The following PTPRT variants were observed in gnomAD, a reference collection of about 807,000 sequenced individuals.
PTPRT encodes protein tyrosine phosphatase receptor type T.
PTPRT carries 56 observed loss-of-function variants against 176.8 expected under a neutral mutation model. The ratio of observed to expected loss-of-function variants is 0.32; its 90% CI spans 0.26 to 0.40. The LOEUF is 0.40. PTPRT is among the 10% of genes least tolerant of loss of function. The pLI is 1.00. For missense variants in PTPRT, 1,540 were observed against 1,908.2 expected, an observed-to-expected ratio of 0.81 and a Z score of 3.60; for synonymous variants, 783 against 739.0, an observed-to-expected ratio of 1.06 and a Z score of -0.96.
At chr20:42,861,355 A>G (rs2078657022) in intron 2 of PTPRT, among the ~76,000 whole-genome samples, 1 of 152,200 alleles carries the variant, frequency 6.6e-6, no homozygotes, top group South Asian at 2.1e-4. Context: ...TTGCCTAGAC[A>G]TTCCCTAACT....
At chr20:42,800,204 G>T (rs1238424966) in intron 2 of PTPRT, among the ~76,000 whole-genome samples, 2 of 152,132 alleles carry the variant, frequency 1.3e-5, no homozygotes, top group Non-Finnish European at 2.9e-5. Flanking sequence ...CTTTTTCAAG[G>T]CCACACAGCT....
intron 6 of PTPRT, among the ~76,000 whole-genome samples, chr20:42,714,986 G>A (rs1192054765): frequency 8.5e-5 from 13 of 152,204 alleles, no homozygotes; most frequent in African/African-American, 2.7e-4. Flanking sequence ...CCAGTGCTGG[G>A]AACCTCTGGA....
rs536405895 is a variant in PTPRT, at chr20:42,168,248, A to G, written c.2492-6706T>C. 4.6e-5 allele frequency among the ~76,000 whole-genome samples: 7 copies of G among 152,276 alleles called. No individual in the cohort carries two copies. The South Asian group carries it at 1.2e-3, about 27-fold the overall frequency. ...AGAGTCAGAAGAAAATTCATATATT[A>G]AGTAGAGCTGTGCAGTTCAAACCCA... On this transcript the variant is annotated intron_variant, in intron 16 of 30. Coordinates refer to ENST00000373187, the MANE Select transcript of PTPRT (RefSeq NM_007050.6).
chr20:43,037,040 TACA>T (rs1235532861), intron 1 of PTPRT, among the ~76,000 whole-genome samples: 1 of 152,200 alleles, frequency 6.6e-6, no homozygotes, highest in African/African-American at 2.4e-5. Flanking sequence ...AACATAAACA[TACA>T]ACATTAGAAA....
At chr20:42,107,930 A>T (rs1259474696) in intron 23 of PTPRT, among the ~76,000 whole-genome samples, 1 of 152,224 alleles carries the variant, frequency 6.6e-6, no homozygotes, top group Non-Finnish European at 1.5e-5. Context: ...CATTCATGAG[A>T]AACTTTCATG....
intron 6 of PTPRT, among the ~76,000 whole-genome samples, chr20:42,713,143 G>A (rs978598740): frequency 4.3e-5 from 6 of 140,238 alleles, no homozygotes; most frequent in South Asian, 2.3e-4. Flanking sequence ...ACATACACAC[G>A]TACACGCACA....
At chr20:43,049,049 T>A (rs1986947474) in intron 1 of PTPRT, among the ~76,000 whole-genome samples, 1 of 152,160 alleles carries the variant, frequency 6.6e-6, no homozygotes, top group Admixed American at 6.5e-5. Flanking sequence ...AAATGAATAT[T>A]CAGCAGCTGG....
intron 6 of PTPRT, among the ~76,000 whole-genome samples, chr20:42,696,544 C>T (rs576234901): frequency 1.3e-5 from 2 of 151,686 alleles, no homozygotes; most frequent in African/African-American, 4.8e-5. Context: ...CAAGCTCTTC[C>T]CCCCGGGTTC....
chr20:42,826,996 A>G (rs960847537), intron 2 of PTPRT, among the ~76,000 whole-genome samples: 1 of 152,186 alleles, frequency 6.6e-6, no homozygotes, highest in Non-Finnish European at 1.5e-5. Context: ...TTCAATTCAA[A>G]AAGAAGACCT....
intron 8 of PTPRT, among the ~76,000 whole-genome samples, chr20:42,457,551 C>T (rs936151631): frequency 1.3e-5 from 2 of 152,134 alleles, no homozygotes; most frequent in African/African-American, 4.8e-5. Flanking sequence ...GTGTGATGGT[C>T]TGGTTTAATG....
intron 7 of PTPRT, among the ~76,000 whole-genome samples, chr20:42,591,188 C>T (rs1281811451): frequency 6.6e-6 from 1 of 151,418 alleles, no homozygotes; most frequent in Non-Finnish European, 1.5e-5. Flanking sequence ...AAATCAAAAT[C>T]CAGAAATATT....
intron 1 of PTPRT, among the ~76,000 whole-genome samples, chr20:43,099,000 A>G (rs908052535): frequency 6.6e-6 from 1 of 152,094 alleles, no homozygotes; most frequent in Admixed American, 6.5e-5. Context: ...TGCAGGATTT[A>G]TGCCAGGCTT....
intron 3 of PTPRT, among the ~76,000 whole-genome samples, chr20:42,785,233 C>T (rs1426673976): frequency 6.6e-6 from 1 of 152,180 alleles, no homozygotes; most frequent in Non-Finnish European, 1.5e-5. Context: ...TTCTCACCCC[C>T]GGCCTTGCCA....
intron 2 of PTPRT, among the ~76,000 whole-genome samples, chr20:42,843,987 G>T (rs956285183): frequency 7.9e-5 from 12 of 152,178 alleles, no homozygotes; most frequent in Admixed American, 2.0e-4. Flanking sequence ...AAAATTCATC[G>T]TAACAATAGA....
intron 7 of PTPRT, among the ~76,000 whole-genome samples, chr20:42,599,822 C>T (rs2073744354): frequency 6.6e-6 from 1 of 152,154 alleles, no homozygotes; most frequent in South Asian, 2.1e-4. Flanking sequence ...GCTACCATTG[C>T]AAGACAGCCT....
chr20:42,623,658 A>G (rs1364507407), intron 7 of PTPRT, among the ~76,000 whole-genome samples: 2 of 152,076 alleles, frequency 1.3e-5, no homozygotes, highest in African/African-American at 2.4e-5. Context: ...AAGCATGTCA[A>G]CATCCCACCC....
At chr20:42,611,878 T>A (rs1311738811) in intron 7 of PTPRT, among the ~76,000 whole-genome samples, 1 of 152,146 alleles carries the variant, frequency 6.6e-6, no homozygotes. Flanking sequence ...ACCCACCTCT[T>A]GGAGCACATG....
In PTPRT at chr20:42,161,307, G is replaced by A. The variant is rs746438155; in HGVS notation, c.2682+45C>T. The stretch of plus-strand genomic sequence containing the variant: ...TAGCAAGGCTTTAGTGCCCAAATAA[G>A]CCTCTGAAACTATCAGGAAGTTTCC... On this transcript the variant is annotated intron_variant, in intron 17 of 30. Transcript: ENST00000373187. The A allele has an allele frequency of 3.9e-5, 63 of 1,607,200 alleles. 1 individual carries two copies. In the Admixed American group the frequency reaches 6.3e-4, roughly 16 times the overall value.
chr20:42,436,534 C>T (rs1014814884), intron 9 of PTPRT, among the ~76,000 whole-genome samples: 3 of 152,248 alleles, frequency 2.0e-5, no homozygotes, highest in East Asian at 3.9e-4. Flanking sequence ...CTTGACAACA[C>T]CAAATGTTGG....
Sources: gnomAD v4.1 joint callset for allele counts (sites outside exome capture counted in the v4.1 genomes callset) on GRCh38, gnomAD v4.1.1 for gene constraint, MANE v1.5 for transcripts, NCBI Gene and HGNC (gene_info 2026-07-23, HGNC 2026-07-21) for gene names.